L3MBTL4: variants seen among roughly 807,000 people sequenced by gnomAD.
The protein encoded by L3MBTL4 is lethal(3)malignant brain tumor-like protein 4.
L3MBTL4 carries 70 observed loss-of-function variants against 84.5 expected under a neutral mutation model. The ratio of observed to expected loss-of-function variants is 0.83; its 90% confidence interval spans 0.68 to 1.01. L3MBTL4 has a LOEUF of 1.01. Ranked by LOEUF, L3MBTL4 falls within the 50% of genes least tolerant of loss-of-function variation. L3MBTL4 has a pLI of 0.00. For missense variants in L3MBTL4, 715 were observed against 754.8 expected (o/e 0.95, Z 0.62); for synonymous variants, 274 against 259.8 (o/e 1.05, Z -0.52).
chr18:6,215,700 C>A, intron 11 of L3MBTL4, 50 bp downstream of exon 11: 2 of 1,003,442 alleles, frequency 2.0e-6, no homozygotes, highest in South Asian at 1.7e-5. Flanking sequence ...AGGCATGACT[C>A]AATACAAACG....
intron 1 of L3MBTL4, among the ~76,000 whole-genome samples, chr18:6,389,146 C>T (rs917351284): frequency 1.3e-5 from 2 of 152,168 alleles, no homozygotes; most frequent in Non-Finnish European, 2.9e-5. Context: ...TACCTTTACC[C>T]TCATTAAACA....
intron 13 of L3MBTL4, among the ~76,000 whole-genome samples, chr18:6,156,698 C>T (rs28685710): frequency 0.047 from 7,190 of 152,170 alleles, 579 homozygotes; most frequent in African/African-American, 0.16. Context: ...GAGAATCTGG[C>T]GAGCCTTACT....
At chr18:6,012,448 A>G (rs1261769890) in intron 16 of L3MBTL4, among the ~76,000 whole-genome samples, 2 of 152,188 alleles carry the variant, frequency 1.3e-5, no homozygotes, top group East Asian at 3.9e-4. Flanking sequence ...TTTTAATGTC[A>G]GTTTTGTCAG....
At chr18:6,029,887 A>C (rs1304204354) in intron 16 of L3MBTL4, 1 of 985,256 alleles carries the variant, frequency 1.0e-6, no homozygotes, top group African/African-American at 1.7e-5. Context: ...TATCCTGTAG[A>C]TTCTCACAAG....
intron 1 of L3MBTL4, among the ~76,000 whole-genome samples, chr18:6,398,225 T>C (rs962114444): frequency 1.3e-5 from 2 of 152,176 alleles, no homozygotes; most frequent in Non-Finnish European, 2.9e-5. Context: ...CACGTATAGT[T>C]TTAACGGTAT....
chr18:5,987,625 T>C (rs2053522178), intron 16 of L3MBTL4, among the ~76,000 whole-genome samples: 1 of 152,244 alleles, frequency 6.6e-6, no homozygotes. Flanking sequence ...TCACATTCTT[T>C]GATATATCTT....
At chr18:6,225,160 T>C (rs1313265823) in intron 10 of L3MBTL4, among the ~76,000 whole-genome samples, 1 of 152,180 alleles carries the variant, frequency 6.6e-6, no homozygotes, top group African/African-American at 2.4e-5. Flanking sequence ...ACAGGAGATC[T>C]AAAGTTCCAA....
intron 13 of L3MBTL4, among the ~76,000 whole-genome samples, chr18:6,170,302 G>A (rs1022608987): frequency 2.0e-5 from 3 of 152,080 alleles, no homozygotes; most frequent in Non-Finnish European, 2.9e-5. Flanking sequence ...AGAAGCATCC[G>A]TAACTATGAT....
chr18:6,134,940 A>G (rs2144590350), intron 14 of L3MBTL4, among the ~76,000 whole-genome samples: 1 of 152,278 alleles, frequency 6.6e-6, no homozygotes, highest in East Asian at 1.9e-4. Flanking sequence ...TTTCCCTTCC[A>G]CACTGCCCTA....
At chr18:6,374,882 A>G (rs965505524) in intron 1 of L3MBTL4, among the ~76,000 whole-genome samples, 5 of 152,244 alleles carry the variant, frequency 3.3e-5, no homozygotes, top group Non-Finnish European at 5.9e-5. Context: ...CGTGAAATCT[A>G]TGGAAAAATA....
intron 15 of L3MBTL4, among the ~76,000 whole-genome samples, chr18:6,091,365 C>T (rs967182819): frequency 3.3e-5 from 5 of 152,102 alleles, no homozygotes; most frequent in African/African-American, 7.2e-5. Flanking sequence ...AAAAAGTGGA[C>T]AGATATTGGA....
intron 16 of L3MBTL4, among the ~76,000 whole-genome samples, chr18:5,978,441 T>A (rs2053056229): frequency 6.6e-6 from 1 of 152,220 alleles, no homozygotes; most frequent in Non-Finnish European, 1.5e-5. Flanking sequence ...TTTTGATCGA[T>A]ACTACACCCC....
At chr18:6,317,380 G>A (rs1239727089) in intron 1 of L3MBTL4, among the ~76,000 whole-genome samples, 1 of 151,936 alleles carries the variant, frequency 6.6e-6, no homozygotes, top group African/African-American at 2.4e-5. Flanking sequence ...AATGAAAAAT[G>A]TTATAAAGAG....
At chr18:6,179,496 AG>A (rs780772773) in intron 12 of L3MBTL4, among the ~76,000 whole-genome samples, 5 of 152,198 alleles carry the variant, frequency 3.3e-5, no homozygotes, top group Non-Finnish European at 7.3e-5. Context: ...GGGATGGCAA[AG>A]GTGGGTTCAG....
chr18:6,029,942 C>G (rs993223153), intron 16 of L3MBTL4: 1 of 985,412 alleles, frequency 1.0e-6, no homozygotes, highest in African/African-American at 1.7e-5. Flanking sequence ...TCCAGTCAAG[C>G]TGACACCTAC....
At chr18:6,384,114 G>C (rs2054714287) in intron 1 of L3MBTL4, among the ~76,000 whole-genome samples, 1 of 152,112 alleles carries the variant, frequency 6.6e-6, no homozygotes, top group African/African-American at 2.4e-5. Context: ...TCCTGCCTCA[G>C]AGAGGAACAC....
chr18:6,103,265 A>T (rs2058893023), intron 14 of L3MBTL4, among the ~76,000 whole-genome samples: 1 of 152,244 alleles, frequency 6.6e-6, no homozygotes, highest in South Asian at 2.1e-4. Flanking sequence ...AAACAATTAT[A>T]GTGATAAGTT....
intron 1 of L3MBTL4, chr18:6,398,106 C>G (rs2055351141): frequency 6.7e-6 from 1 of 149,424 alleles, no homozygotes; most frequent in Non-Finnish European, 1.5e-5. Context: ...TGGCAACTCT[C>G]TCAAGGCTGC....
rs191099075 is a variant in L3MBTL4, at chr18:6,028,354, G to C, written c.1444+52527C>G. Reference sequence around the variant, plus strand: ...GAAGATCAAATGGTTGTAGATGTGTGGTGTTATTTCTGAGGTCTCTGCTCT... The same window carrying C: ...GAAGATCAAATGGTTGTAGATGTGTCGTGTTATTTCTGAGGTCTCTGCTCT... On this transcript the variant is annotated intron_variant, in intron 16 of 18. Transcript: ENST00000317931. Among the ~76,000 whole-genome samples the C allele has an allele frequency of 1.5e-4, 23 of 152,206 alleles. No homozygotes were observed. The East Asian group carries it at 3.9e-3, about 26-fold the overall frequency.
Sources: allele counts gnomAD v4.1 joint callset (sites outside exome capture counted in the v4.1 genomes callset), GRCh38; gene constraint gnomAD v4.1.1; transcripts MANE v1.5; gene names NCBI Gene and HGNC (gene_info 2026-07-23, HGNC 2026-07-21).